Variants in FOS observed in about 807,000 individuals in gnomAD.
FOS encodes Fos proto-oncogene, AP-1 transcription factor subunit.
A neutral mutation model predicts 27.2 loss-of-function variants in FOS; 9 were observed. That is an observed-to-expected ratio of 0.33 (90% CI 0.20 to 0.58). FOS has a LOEUF of 0.58. Among genes scored for constraint, FOS ranks in the 20% least tolerant of loss-of-function variants. The pLI is 0.87. For missense variants in FOS, 405 were observed against 483.5 expected, an observed-to-expected ratio of 0.84 and a Z score of 1.52; for synonymous variants, 213 against 205.1, an observed-to-expected ratio of 1.04 and a Z score of -0.33.
chr14:75,279,830 C>T lies in FOS; in HGVS notation c.142-47C>T, dbSNP rs545167877. 5 of 1,548,852 alleles carry T rather than the reference C, an allele frequency of 3.2e-6. No individual in the cohort carries two copies. Among genetic ancestry groups the T allele is most frequent in the Admixed American group, 3.8e-5 (2 of 52,686 alleles). On this transcript the variant is annotated intron_variant, in intron 1 of 3. Transcript: ENST00000303562. This position sits in a 1 kb window ranked among gnomAD's most constrained non-coding sequence, Gnocchi z 5.4. ...ACTGGGAACTCGCCCCACCTGTGTC[C>T]GGAACCTGCTCGCTCACGTCGGCTT...
At position 75,280,028 on chromosome 14, in the gene FOS, T is replaced by C. The variant is rs200018787; in HGVS notation, c.293T>C (p.Val98Ala). 3.6e-4 allele frequency: 588 copies of C among 1,613,790 alleles called. No homozygotes were observed. The highest frequency in any genetic ancestry group is 4.6e-4 in the Non-Finnish European group (537 of 1,179,978). Residue 98 changes from valine (V) to alanine (A), a missense_variant, in exon 2 of 4, where the codon GTC becomes GCC. Val to Ala is a moderately conservative substitution (Grantham distance 64). Coordinates refer to ENST00000303562, the MANE Select transcript of FOS (RefSeq NM_005252.4). ...ACCAGAGCCCCTCACCCTTTCGGAG[T>C]CCCCGCCCCCTCCGCTGGGGCTTAC... ...SQTRAPHPFGVPAPSAGAYSR... is the reference protein window; with the variant it reads ...SQTRAPHPFGAPAPSAGAYSR...
chr14:75,280,933 G>A lies in FOS; in HGVS notation c.652G>A (p.Val218Met), dbSNP rs775824604. The change falls in exon 4 of 4, where the codon GTG (valine) becomes ATG (methionine). Residue 218 changes from valine to methionine, a missense_variant. Physicochemically the swap from Val to Met is conservative, Grantham distance 21. Coordinates refer to ENST00000303562, the MANE Select transcript of FOS (RefSeq NM_005252.4). ...CCTGGGCTTCCCAGAAGAGATGTCT[G>A]TGGCTTCCCTTGATCTGACTGGGGG... The part of the protein sequence containing the change: ...DDLGFPEEMS[V>M]ASLDLTGGLP... 3.7e-6 allele frequency: 6 copies of A among 1,614,180 alleles called. 1 individual carries two copies. The highest frequency in any genetic ancestry group is 5.1e-6 in the Non-Finnish European group (6 of 1,180,008).
Position 75,279,391 on chromosome 14 carries a change from T to C in FOS, c.141+268T>C. ...TCCAGGACGGATCTCTGACATTAGC[T>C]GGAGCAGACGTGTCCCAAGCACAAA... On this transcript the variant is annotated intron_variant, in intron 1 of 3. Coordinates refer to ENST00000303562, the MANE Select transcript of FOS (RefSeq NM_005252.4). This position sits in a 1 kb window ranked among gnomAD's most constrained non-coding sequence, Gnocchi z 5.4. 1 of 530,634 alleles carries C rather than the reference T, an allele frequency of 1.9e-6. No homozygotes were observed. Among genetic ancestry groups the C allele is most frequent in the Non-Finnish European group, 3.3e-6 (1 of 300,064 alleles). 32.9% of individuals were successfully genotyped at this position (530,634 alleles called of 1,614,324 possible).
chr14:75,281,333 TC>T lies in FOS; in HGVS notation c.1056del (p.Ser353AlafsTer58). 6.2e-7 allele frequency: 1 copy of T among 1,609,938 alleles called. No individual in the cohort carries two copies. On this transcript the variant is annotated frameshift_variant, in exon 4 of 4. Transcript: ENST00000303562. LOFTEE classifies it high-confidence loss of function. The surrounding 1 kb of genome is among the most constrained non-coding windows in gnomAD (Gnocchi z 4.7). ...FVFTYPEADS[F>X]PSCAAAHRKG... ...TTCACCTACCCCGAGGCTGACTCCT[TC>T]CCCAGCTGTGCAGCTGCCCACCGCA...
Position 75,279,319 on chromosome 14 carries a change from T to C in FOS, c.141+196T>C. ...CACGCTTGCCATAGTAAGAATTGGT[T>C]CCCCCTTCGGGAGGCAGGTTCGTTC... is the stretch of plus-strand genomic sequence containing the variant. On this transcript the variant is annotated intron_variant, in intron 1 of 3. Coordinates refer to ENST00000303562, the MANE Select transcript of FOS (RefSeq NM_005252.4). This position sits in a 1 kb window ranked among gnomAD's most constrained non-coding sequence, Gnocchi z 5.4. 2 of 710,410 alleles carry C rather than the reference T, an allele frequency of 2.8e-6. No individual in the cohort carries two copies. The highest frequency in any genetic ancestry group is 4.6e-6 in the Non-Finnish European group (2 of 434,086). 44.0% of individuals were successfully genotyped at this position (710,410 alleles called of 1,614,324 possible).
In FOS at chr14:75,281,193, G is replaced by A. The variant is rs1453447928; in HGVS notation, c.912G>A (p.Glu304=). The A allele has an allele frequency of 1.2e-6, 2 of 1,612,332 alleles. No homozygotes were observed. The highest frequency in any genetic ancestry group is 2.7e-5 in the African/African-American group (2 of 74,944). ...LSGSFYAADW[E]PLHSGSLGMG... The stretch of plus-strand genomic sequence containing the variant: ...GGTCCTTCTATGCAGCAGACTGGGA[G>A]CCTCTGCACAGTGGCTCCCTGGGGA... The change falls in exon 4 of 4, where the codon GAG becomes GAA. Residue 304 remains glutamate, a synonymous_variant. Coordinates refer to ENST00000303562, the MANE Select transcript of FOS (RefSeq NM_005252.4). This position sits in a 1 kb window ranked among gnomAD's most constrained non-coding sequence, Gnocchi z 4.7.
rs749884433 is a variant in FOS, at chr14:75,281,162, T to C, written c.881T>C (p.Leu294Pro). Residue 294 changes from leucine (L) to proline (P), a missense_variant, in exon 4 of 4, where the codon CTA (leucine) becomes CCA (proline). Leu to Pro is a moderately conservative substitution (Grantham distance 98). Coordinates refer to ENST00000303562, the MANE Select transcript of FOS (RefSeq NM_005252.4). This position sits in a 1 kb window ranked among gnomAD's most constrained non-coding sequence, Gnocchi z 4.7. ...ETARSVPDMD[L>P]SGSFYAADWE... The stretch of plus-strand genomic sequence containing the variant: ...GCCCGCTCCGTGCCAGACATGGACC[T>C]ATCTGGGTCCTTCTATGCAGCAGAC... The C allele has an allele frequency of 6.2e-7, 1 of 1,611,404 alleles. No homozygotes were observed. The highest frequency in any genetic ancestry group is 2.2e-5 in the East Asian group (1 of 44,882).
intron 2 of FOS, 195 bp from the exon 3 acceptor site, chr14:75,280,365 C>G (rs946079367): frequency 2.1e-5 from 14 of 678,364 alleles, no homozygotes; most frequent in African/African-American, 1.5e-4. Context: ...AGACTGGGCT[C>G]TTCTTTGTTC....
chr14:75,279,537 G>A lies in FOS; in HGVS notation c.142-340G>A, dbSNP rs1274885106. The A allele has an allele frequency of 2.2e-6, 1 of 445,958 alleles. No homozygotes were observed. The highest frequency in any genetic ancestry group is 2.0e-5 in the African/African-American group (1 of 49,622). 27.6% of individuals were successfully genotyped at this position (445,958 alleles called of 1,614,324 possible). A position where few individuals can be genotyped will look rare whatever the true frequency, so the allele number is the denominator to read the frequency against. ...GAGGGTGCAGCGGGCGGGTGTGTAA[G>A]GCAGTTTCATTGATAAAAAGCGAGT... On this transcript the variant is annotated intron_variant, in intron 1 of 3. Transcript: ENST00000303562. The surrounding 1 kb of genome is among the most constrained non-coding windows in gnomAD (Gnocchi z 5.4).
chr14:75,279,735 A>AT lies in FOS; in HGVS notation c.142-141dup. The stretch of plus-strand genomic sequence containing the variant: ...TGGGAGGAAAAGGGGGAGACCTTTC[A>AT]TCCAGGATGAGGGACATTTAAGATG... On this transcript the variant is annotated intron_variant, in intron 1 of 3. Transcript: ENST00000303562. The surrounding 1 kb of genome is among the most constrained non-coding windows in gnomAD (Gnocchi z 5.4). 1 of 998,018 alleles carries AT rather than the reference A, an allele frequency of 1.0e-6. No individual in the cohort carries two copies. Among genetic ancestry groups the AT allele is most frequent in the East Asian group, 2.4e-5 (1 of 41,498 alleles). 61.8% of individuals were successfully genotyped at this position (998,018 alleles called of 1,614,324 possible). A position where few individuals can be genotyped will look rare whatever the true frequency, so the allele number is the denominator to read the frequency against.
intron 2 of FOS, chr14:75,280,343 C>G (rs1194334991): frequency 2.0e-5 from 14 of 707,608 alleles, no homozygotes; most frequent in Non-Finnish European, 3.3e-5. Flanking sequence ...AAGTTTCTTA[C>G]CGCATGCTTT....
chr14:75,280,076 C>A lies in FOS; in HGVS notation c.341C>A (p.Thr114Asn), dbSNP rs746120492. 24 of 1,614,004 alleles carry A rather than the reference C, an allele frequency of 1.5e-5. No individual in the cohort carries two copies. In the East Asian group the frequency reaches 5.3e-4, roughly 36 times the overall value. Residue 114 changes from threonine (T) to asparagine (N), a missense_variant, in exon 2 of 4, where the codon ACC (threonine) becomes AAC (asparagine). Coordinates refer to ENST00000303562, the MANE Select transcript of FOS (RefSeq NM_005252.4). ...TACTCCAGGGCTGGCGTTGTGAAGACCATGACAGGAGGCCGAGCGCAGAGC... is the reference window on the plus strand; with the variant it reads ...TACTCCAGGGCTGGCGTTGTGAAGAACATGACAGGAGGCCGAGCGCAGAGC... ...GAYSRAGVVK[T>N]MTGGRAQSIG... is the part of the protein sequence containing the mutation.
chr14:75,280,858 C>G lies in FOS; in HGVS notation c.577C>G (p.Leu193Val). The change falls in exon 4 of 4, where the codon CTA becomes GTA. Residue 193 changes from leucine to valine, a missense_variant. By Grantham distance (32) the Leu-to-Val change is conservative. Coordinates refer to ENST00000303562, the MANE Select transcript of FOS (RefSeq NM_005252.4). Reference protein sequence around the residue: ...IANLLKEKEKLEFILAAHRPA... With the variant: ...IANLLKEKEKVEFILAAHRPA... ...CAACCTGCTGAAGGAGAAGGAAAAA[C>G]TAGAGTTCATCCTGGCAGCTCACCG... The G allele has an allele frequency of 6.2e-7, 1 of 1,614,170 alleles. No homozygotes were observed.
In FOS at chr14:75,279,891, C is replaced by G. The variant is rs1897206461; in HGVS notation, c.156C>G (p.Asp52Glu). The change falls in exon 2 of 4, where the codon GAC (aspartate) becomes GAG (glutamate). Residue 52 changes from aspartate to glutamate, a missense_variant. Transcript: ENST00000303562. The surrounding 1 kb of genome is among the most constrained non-coding windows in gnomAD (Gnocchi z 5.4). ...TTTTGTTCTAGGACTTCTGCACGGA[C>G]CTGGCCGTCTCCAGTGCCAACTTCA... ...SPVNAQDFCTDLAVSSANFIP... is the reference protein window; with the variant it reads ...SPVNAQDFCTELAVSSANFIP... 1 of 1,609,626 alleles carries G rather than the reference C, an allele frequency of 6.2e-7. No individual in the cohort carries two copies. The highest frequency in any genetic ancestry group is 1.3e-5 in the African/African-American group (1 of 74,866).
In FOS at chr14:75,281,668, C is replaced by A. The variant is rs1011666712; in HGVS notation, c.*244C>A. ...GGAGTGTGTATTGTTCCCAGTGACA[C>A]TTCAGAGAGCTGGTAGTTAGTAGCA... On this transcript the variant is annotated 3_prime_UTR_variant, in exon 4 of 4. Transcript: ENST00000303562. This position sits in a 1 kb window ranked among gnomAD's most constrained non-coding sequence, Gnocchi z 4.7. 5 of 531,864 alleles carry A rather than the reference C, an allele frequency of 9.4e-6. No homozygotes were observed. Among genetic ancestry groups the A allele is most frequent in the African/African-American group, 7.6e-5 (4 of 52,966 alleles). The allele number at this position is 531,864 out of a possible 1,614,324, so 32.9% of individuals were successfully genotyped here.
In FOS at chr14:75,278,829, A is replaced by G. The variant is rs1897191381; in HGVS notation, c.-154A>G. On this transcript the variant is annotated 5_prime_UTR_variant, in exon 1 of 4. Coordinates refer to ENST00000303562, the MANE Select transcript of FOS (RefSeq NM_005252.4). This position sits in a 1 kb window ranked among gnomAD's most constrained non-coding sequence, Gnocchi z 4.1. ...AGTGGCTGCGGCGCCTCGTACTCCA[A>G]CCGCATCTGCAGCGAGCATCTGAGA... 1 of 790,622 alleles carries G rather than the reference A, an allele frequency of 1.3e-6. No individual in the cohort carries two copies. The highest frequency in any genetic ancestry group is 1.8e-5 in the African/African-American group (1 of 56,866). The allele number at this position is 790,622 out of a possible 1,614,324, so 49.0% of individuals were successfully genotyped here.
chr14:75,281,211 C>G lies in FOS; in HGVS notation c.930C>G (p.Ser310=), dbSNP rs748386567. The G allele has an allele frequency of 6.2e-7, 1 of 1,612,662 alleles. No homozygotes were observed. Among genetic ancestry groups the G allele is most frequent in the Admixed American group, 1.7e-5 (1 of 60,018 alleles). The change falls in exon 4 of 4, where the codon TCC becomes TCG. Residue 310 remains serine (S), a synonymous_variant. Coordinates refer to ENST00000303562, the MANE Select transcript of FOS (RefSeq NM_005252.4). The surrounding 1 kb of genome is among the most constrained non-coding windows in gnomAD (Gnocchi z 4.7). ...ACTGGGAGCCTCTGCACAGTGGCTCCCTGGGGATGGGGCCCATGGCCACAG... is the reference window on the plus strand; with the variant it reads ...ACTGGGAGCCTCTGCACAGTGGCTCGCTGGGGATGGGGCCCATGGCCACAG... ...AADWEPLHSG[S]LGMGPMATEL... is the part of the protein sequence containing the mutation.
Position 75,281,771 on chromosome 14 carries a change from T to G in FOS, c.*347T>G. On this transcript the variant is annotated 3_prime_UTR_variant, in exon 4 of 4. Transcript: ENST00000303562. The surrounding 1 kb of genome is among the most constrained non-coding windows in gnomAD (Gnocchi z 4.7). ...CATAGCATTAACTAATCTATTGGGTTCATTATTGGAATTAACCTGGTGCTG... is the reference window on the plus strand; with the variant it reads ...CATAGCATTAACTAATCTATTGGGTGCATTATTGGAATTAACCTGGTGCTG... 3.5e-6 allele frequency: 1 copy of G among 282,410 alleles called. No homozygotes were observed. Among genetic ancestry groups the G allele is most frequent in the Non-Finnish European group, 6.8e-6 (1 of 146,538 alleles). 17.5% of individuals were successfully genotyped at this position (282,410 alleles called of 1,614,324 possible).
chr14:75,279,580 G>T lies in FOS; in HGVS notation c.142-297G>T. 1 of 487,240 alleles carries T rather than the reference G, an allele frequency of 2.1e-6. No individual in the cohort carries two copies. Among genetic ancestry groups the T allele is most frequent in the Non-Finnish European group, 3.6e-6 (1 of 274,488 alleles). 30.2% of individuals were successfully genotyped at this position (487,240 alleles called of 1,614,324 possible). On this transcript the variant is annotated intron_variant, in intron 1 of 3. Coordinates refer to ENST00000303562, the MANE Select transcript of FOS (RefSeq NM_005252.4). The surrounding 1 kb of genome is among the most constrained non-coding windows in gnomAD (Gnocchi z 5.4). ...AAGCGAGTTCATTCTGGAGACTCCG[G>T]AGCGGCGCCTGCGTCAGCGCAGACG...
Sources: allele counts gnomAD v4.1 joint callset, GRCh38; gene constraint gnomAD v4.1.1; non-coding constraint Gnocchi (gnomAD v3.1); transcripts MANE v1.5; gene names NCBI Gene and HGNC (gene_info 2026-07-23, HGNC 2026-07-21).